MROH7: variants seen among roughly 807,000 people sequenced by gnomAD.
MROH7 encodes maestro heat like repeat family member 7, also known as maestro heat-like repeat-containing protein family member 7.
Under a neutral mutation model 129.2 loss-of-function variants are expected in MROH7, and 113 were observed. The ratio of observed to expected loss-of-function variants is 0.87; its 90% CI spans 0.75 to 1.02. The LOEUF is 1.02. Ranked by LOEUF, MROH7 falls within the 50% of genes least tolerant of loss-of-function variation. MROH7 has a pLI of 0.00. For missense variants in MROH7, 1,601 were observed against 1,671.3 expected (o/e 0.96, Z 0.73); for synonymous variants, 655 against 667.9 (o/e 0.98, Z 0.30).
intron 17 of MROH7, among the ~76,000 whole-genome samples, chr1:54,696,467 C>G (rs771945252): frequency 6.6e-6 from 1 of 152,126 alleles, no homozygotes; most frequent in Non-Finnish European, 1.5e-5. Context: ...ACCCACTAAA[C>G]ACAAACTCCC....
intron 20 of MROH7, 33 bp downstream of exon 20, chr1:54,702,278 C>T (rs1645452836): frequency 1.4e-6 from 2 of 1,392,764 alleles, no homozygotes; most frequent in Non-Finnish European, 9.4e-7. Flanking sequence ...CCCTCTACCC[C>T]TCCCTCGGGT....
rs1644937136 is a variant in MROH7 at position 54,673,690 on chromosome 1, T to C, written c.1696-11T>C. 6.2e-7 allele frequency: 1 copy of C among 1,608,546 alleles called. No individual in the cohort carries two copies. On this transcript the variant is annotated splice_polypyrimidine_tract_variant and intron_variant, in intron 8 of 23. Transcript: ENST00000421030. ...AACCTGTAGTTCTGAGTCTTGCTTT[T>C]GATCCCACAGGCCCTGGGGCCTTGG...
intron 17 of MROH7, 29 bp from the exon 18 acceptor site, chr1:54,700,292 T>C: frequency 6.2e-7 from 1 of 1,613,846 alleles, no homozygotes; most frequent in East Asian, 2.2e-5. Flanking sequence ...CCCCTCAGCC[T>C]GGGAAGTAAT....
intron 10 of MROH7, among the ~76,000 whole-genome samples, chr1:54,676,074 A>T (rs1644976192): frequency 6.6e-6 from 1 of 152,232 alleles, no homozygotes; most frequent in Admixed American, 6.5e-5. Context: ...AACAATGGGT[A>T]ATTTTTAGTA....
chr1:54,690,751 A>C (rs1222385438), intron 15 of MROH7, among the ~76,000 whole-genome samples: 2 of 152,094 alleles, frequency 1.3e-5, no homozygotes, highest in East Asian at 3.9e-4. Flanking sequence ...CGAATTCAGA[A>C]GTTTTGGCCT....
intron 10 of MROH7, among the ~76,000 whole-genome samples, chr1:54,678,393 T>C (rs1330370117): frequency 6.6e-6 from 1 of 152,226 alleles, no homozygotes; most frequent in Non-Finnish European, 1.5e-5. Context: ...CTGATGCAAC[T>C]GTGTGGATGA....
chr1:54,646,439 T>C (rs774842763), intron 1 of MROH7, among the ~76,000 whole-genome samples: 25 of 152,238 alleles, frequency 1.6e-4, no homozygotes, highest in Admixed American at 1.3e-4. Flanking sequence ...GTTTGGGTTA[T>C]GTGAGTGATG....
At chr1:54,648,016 C>T (rs1031209579) in intron 1 of MROH7, among the ~76,000 whole-genome samples, 18 of 151,226 alleles carry the variant, frequency 1.2e-4, no homozygotes, top group African/African-American at 4.1e-4. Context: ...GTTGAAAAGA[C>T]TATTATTTTT....
At chr1:54,670,667 A>AACCCCCC in intron 6 of MROH7, 91 bp downstream of exon 6, 1 of 960,104 alleles carries the variant, frequency 1.0e-6, no homozygotes, top group Non-Finnish European at 1.5e-6. Context: ...CCCTCCCCCA[A>AACCCCCC]CCCGCCCCCA....
intron 17 of MROH7, chr1:54,697,788 C>T (rs1293125079): frequency 1.6e-6 from 1 of 635,210 alleles, no homozygotes; most frequent in African/African-American, 1.8e-5. Flanking sequence ...TGGTCAGCCT[C>T]TTGGAGAGGC....
At chr1:54,670,612 C>G in intron 6 of MROH7, 36 bp downstream of exon 6, 1 of 1,581,478 alleles carries the variant, frequency 6.3e-7, no homozygotes, top group Non-Finnish European at 8.6e-7. Context: ...CACAGCCCCT[C>G]TCCTCTCTTC....
At chr1:54,645,733 G>C (rs142122388) in intron 1 of MROH7, among the ~76,000 whole-genome samples, 3 of 145,736 alleles carry the variant, frequency 2.1e-5, no homozygotes, top group African/African-American at 7.7e-5. Context: ...GCTCACCGCA[G>C]GCTTGCCTCC....
At chr1:54,687,944 C>T (rs556300592) in intron 15 of MROH7, among the ~76,000 whole-genome samples, 9 of 146,970 alleles carry the variant, frequency 6.1e-5, no homozygotes, top group African/African-American at 1.5e-4. Flanking sequence ...ACATGGCTCA[C>T]GGCAGCCTTC....
In MROH7 at chr1:54,679,944, T is replaced by C; in HGVS notation, c.2280T>C (p.Pro760=). ...IYMQLSHIQE[P]RARQVALLPV... Reference sequence around the variant, plus strand: ...TGCAGCTGAGCCACATCCAGGAGCCTCGGGCCCGCCAGGTGGCCCTGCTGC... The same window carrying C: ...TGCAGCTGAGCCACATCCAGGAGCCCCGGGCCCGCCAGGTGGCCCTGCTGC... The change falls in exon 13 of 24, where the codon CCT becomes CCC. Residue 760 remains proline (P), a synonymous_variant. Coordinates refer to ENST00000421030, the MANE Select transcript of MROH7 (RefSeq NM_001039464.4). 1.2e-6 allele frequency: 2 copies of C among 1,613,832 alleles called. No individual in the cohort carries two copies. The highest frequency in any genetic ancestry group is 1.7e-6 in the Non-Finnish European group (2 of 1,179,950).
chr1:54,692,389 G>C (rs748486377), intron 15 of MROH7, 35 bp from the exon 16 acceptor site: 9 of 1,610,598 alleles, frequency 5.6e-6, no homozygotes, highest in African/African-American at 1.3e-5. Context: ...TAGGGCCCAG[G>C]TAGGCATGAG....
Position 54,701,314 on chromosome 1 carries a change from T to G in MROH7, c.3277T>G (p.Phe1093Val). ...GATGCTGCAGATCCTGCTGCCGCACTTCAGCGACGTGAGGACCTCACAGAG... is the reference window on the plus strand; with the variant it reads ...GATGCTGCAGATCCTGCTGCCGCACGTCAGCGACGTGAGGACCTCACAGAG... ...VEMLQILLPH[F>V]SDAREVVRSS... The change falls in exon 19 of 24, where the codon TTC becomes GTC. Residue 1093 changes from phenylalanine (F) to valine (V), a missense_variant. Physicochemically the swap from Phe to Val is conservative, Grantham distance 50 (BLOSUM62 -1). Coordinates refer to ENST00000421030, the MANE Select transcript of MROH7 (RefSeq NM_001039464.4). 1.9e-6 allele frequency: 3 copies of G among 1,591,114 alleles called. No homozygotes were observed. Among genetic ancestry groups the G allele is most frequent in the Non-Finnish European group, 2.6e-6 (3 of 1,165,436 alleles).
At chr1:54,682,938 T>C in intron 14 of MROH7, 144 bp downstream of exon 14, 2 of 892,514 alleles carry the variant, frequency 2.2e-6, no homozygotes. Context: ...TCTCTGGCTC[T>C]GGCTCTTGTC....
At chr1:54,704,373 C>T (rs1456916453) in intron 21 of MROH7, among the ~76,000 whole-genome samples, 7 of 151,682 alleles carry the variant, frequency 4.6e-5, no homozygotes, top group South Asian at 2.1e-4. Flanking sequence ...TCAAGCTCAC[C>T]GTGCAGGCCC....
intron 10 of MROH7, among the ~76,000 whole-genome samples, chr1:54,675,993 G>C (rs1644975105): frequency 6.6e-6 from 1 of 152,040 alleles, no homozygotes; most frequent in African/African-American, 2.4e-5. Context: ...AGAAATTATA[G>C]ACCCAATTAG....
Sources: gnomAD v4.1 joint callset for allele counts (sites outside exome capture counted in the v4.1 genomes callset) on GRCh38, gnomAD v4.1.1 for gene constraint, MANE v1.5 for transcripts, NCBI Gene and HGNC (gene_info 2026-07-23, HGNC 2026-07-21) for gene names.